Variants in PCBP3 observed in about 807,000 individuals in gnomAD.
PCBP3 encodes poly(rC) binding protein 3.
Under a neutral mutation model 52.7 loss-of-function variants are expected in PCBP3, and 25 were observed. The ratio of observed to expected loss-of-function variants is 0.47; its 90% CI spans 0.35 to 0.66. The LOEUF is 0.66. Among genes scored for constraint, PCBP3 ranks in the 30% least tolerant of loss-of-function variants. The pLI is 0.01. For missense variants in PCBP3, 391 were observed against 490.3 expected (o/e 0.80, Z 1.91); for synonymous variants, 162 against 183.0 (o/e 0.89, Z 0.93).
At chr21:45,895,904 G>A (rs772104813) in intron 5 of PCBP3, among the ~76,000 whole-genome samples, 9 of 152,228 alleles carry the variant, frequency 5.9e-5, no homozygotes, top group Admixed American at 1.3e-4. Flanking sequence ...GCCAGTCTCC[G>A]GCTGCTGAGA....
chr21:45,941,610 C>G, intron 17 of PCBP3, 60 bp from the exon 18 acceptor site: 1 of 1,507,706 alleles, frequency 6.6e-7, no homozygotes, highest in Non-Finnish European at 9.1e-7. Context: ...CTCACGTCTG[C>G]CCACTGATGA....
chr21:45,795,165 A>G (rs1250973313), intron 4 of PCBP3, among the ~76,000 whole-genome samples: 1 of 152,232 alleles, frequency 6.6e-6, no homozygotes, highest in Admixed American at 6.5e-5. Context: ...TAAGAATAAG[A>G]GATGGATTAA....
intron 4 of PCBP3, chr21:45,848,368 A>G (rs1040733482): frequency 6.6e-6 from 1 of 152,266 alleles, no homozygotes; most frequent in Non-Finnish European, 1.5e-5. Flanking sequence ...TGTGGTCTGT[A>G]TAAATGGAGA....
intron 2 of PCBP3, among the ~76,000 whole-genome samples, chr21:45,677,250 G>A (rs533442570): frequency 5.3e-5 from 8 of 152,294 alleles, no homozygotes; most frequent in African/African-American, 1.9e-4. Context: ...AAGCGAAACA[G>A]CCTTGTTGCT....
chr21:45,921,775 T>G (rs2074474282), intron 13 of PCBP3, among the ~76,000 whole-genome samples: 1 of 151,336 alleles, frequency 6.6e-6, no homozygotes, highest in East Asian at 2.0e-4. Flanking sequence ...GCCAAGATCA[T>G]CCCTCTGCAC....
At chr21:45,786,471 A>G (rs141993528) in intron 4 of PCBP3, among the ~76,000 whole-genome samples, 2 of 152,070 alleles carry the variant, frequency 1.3e-5, no homozygotes, top group East Asian at 3.9e-4. Flanking sequence ...TTGTATTTTT[A>G]GTAGAGATGG....
At chr21:45,808,844 G>A (rs569661287) in intron 4 of PCBP3, among the ~76,000 whole-genome samples, 45 of 152,236 alleles carry the variant, frequency 3.0e-4, no homozygotes, top group Admixed American at 2.6e-4. Flanking sequence ...ATATACCACG[G>A]AATACTATGC....
At position 45,799,473 on chromosome 21, in the gene PCBP3, T is replaced by C. The variant is rs1435807042; in HGVS notation, c.-126+44021T>C. Reference sequence around the variant, plus strand: ...TCTTCCTCTGTACCTAATTTATACATTAAAATTTATCATAGGACAGTTTAT... The same window carrying C: ...TCTTCCTCTGTACCTAATTTATACACTAAAATTTATCATAGGACAGTTTAT... On this transcript the variant is annotated intron_variant, in intron 4 of 17. Transcript: ENST00000681687. 3.3e-5 allele frequency among the ~76,000 whole-genome samples: 5 copies of C among 152,336 alleles called. No individual in the cohort carries two copies. The East Asian group carries it at 9.6e-4, about 29-fold the overall frequency.
At chr21:45,674,216 T>C (rs902735426) in intron 2 of PCBP3, among the ~76,000 whole-genome samples, 3 of 152,180 alleles carry the variant, frequency 2.0e-5, no homozygotes, top group African/African-American at 7.2e-5. Context: ...CTCCACAATG[T>C]TTAGTTGATG....
chr21:45,725,901 G>A lies in PCBP3; in HGVS notation c.-199-9491G>A, dbSNP rs1288634936. 2.6e-5 allele frequency among the ~76,000 whole-genome samples: 4 copies of A among 152,258 alleles called. No individual in the cohort carries two copies. The East Asian group carries it at 7.7e-4, about 29-fold the overall frequency. ...GGGGGCAGCTGGGGTGAGGAAGCCA[G>A]TGCAGGAGATGAGGTCAGGAGAGCA... On this transcript the variant is annotated intron_variant, in intron 2 of 17. Coordinates refer to ENST00000681687, the MANE Select transcript of PCBP3 (RefSeq NM_001384156.1).
At position 45,827,121 on chromosome 21, in the gene PCBP3, A is replaced by G. The variant is rs1382793850; in HGVS notation, c.-125-22840A>G. Among the ~76,000 whole-genome samples the G allele has an allele frequency of 5.3e-5, 8 of 152,100 alleles. No individual in the cohort carries two copies. Among genetic ancestry groups the G allele is most frequent in the Admixed American group, 5.2e-4 (8 of 15,274 alleles). ...CCACTCCCGCGTCCCTGGGGACCACACGGGGACTGGAGCTCCCTACCTGCT... is the reference window on the plus strand; with the variant it reads ...CCACTCCCGCGTCCCTGGGGACCACGCGGGGACTGGAGCTCCCTACCTGCT... On this transcript the variant is annotated intron_variant, in intron 4 of 17. Coordinates refer to ENST00000681687, the MANE Select transcript of PCBP3 (RefSeq NM_001384156.1). This position sits in a 1 kb window ranked among gnomAD's most constrained non-coding sequence, Gnocchi z 4.3.
At chr21:45,893,839 C>G (rs1197185299) in intron 5 of PCBP3, 1 of 985,282 alleles carries the variant, frequency 1.0e-6, no homozygotes. Flanking sequence ...TCCCATGGGG[C>G]CTTGGATGCC....
intron 5 of PCBP3, among the ~76,000 whole-genome samples, chr21:45,883,284 T>C (rs1376509522): frequency 6.6e-6 from 1 of 152,220 alleles, no homozygotes; most frequent in East Asian, 1.9e-4. Context: ...CTGTTAAATT[T>C]GCTGAGGTTT....
chr21:45,893,540 T>A (rs1337946580), intron 5 of PCBP3, among the ~76,000 whole-genome samples: 1 of 52,686 alleles, frequency 1.9e-5, no homozygotes, highest in Non-Finnish European at 3.5e-5. Flanking sequence ...CATCTGCAGA[T>A]GGTGGTCCAC....
intron 4 of PCBP3, among the ~76,000 whole-genome samples, chr21:45,759,055 G>A (rs1169602715): frequency 6.6e-6 from 1 of 152,162 alleles, no homozygotes; most frequent in African/African-American, 2.4e-5. Context: ...GTTATGATGT[G>A]TTACAGTAAA....
chr21:45,908,535 A>G (rs2839054), intron 9 of PCBP3, among the ~76,000 whole-genome samples: 122,359 of 152,220 alleles, frequency 0.8, 49,998 homozygotes, highest in East Asian at 1. Context: ...CTGAATCGTA[A>G]CTCAGGCATA....
chr21:45,779,788 C>G (rs1026156725), intron 4 of PCBP3, among the ~76,000 whole-genome samples: 4 of 152,158 alleles, frequency 2.6e-5, no homozygotes, highest in Non-Finnish European at 5.9e-5. Flanking sequence ...CCATGTTGAT[C>G]TATAGAATCA....
chr21:45,768,552 T>C (rs955535432), intron 4 of PCBP3, among the ~76,000 whole-genome samples: 11 of 152,340 alleles, frequency 7.2e-5, no homozygotes, highest in African/African-American at 2.6e-4. Flanking sequence ...GATAGCTTCC[T>C]GGTAATTCAA....
At chr21:45,698,571 G>A (rs1457815444) in intron 2 of PCBP3, among the ~76,000 whole-genome samples, 6 of 152,222 alleles carry the variant, frequency 3.9e-5, no homozygotes, top group Non-Finnish European at 7.4e-5. Context: ...AGCAGTCTAC[G>A]TGAGGTCTCT....
Sources: gnomAD v4.1 joint callset for allele counts (sites outside exome capture counted in the v4.1 genomes callset) on GRCh38, gnomAD v4.1.1 for gene constraint, Gnocchi (gnomAD v3.1) non-coding constraint, MANE v1.5 for transcripts, NCBI Gene and HGNC (gene_info 2026-07-23, HGNC 2026-07-21) for gene names.